Variants in SNAP25 observed in about 807,000 individuals in gnomAD.
SNAP25 encodes synaptosomal-associated protein 25.
In SNAP25, 3 loss-of-function variants were observed where a neutral mutation model predicts 28.7. That is an observed-to-expected ratio of 0.10 (90% confidence interval 0.05 to 0.27). SNAP25 has a LOEUF of 0.27. Among genes scored for constraint, SNAP25 ranks in the 10% least tolerant of loss-of-function variants. The pLI, the probability that SNAP25 is intolerant of heterozygous loss-of-function variation, is 1.00. For missense variants in SNAP25, 117 were observed against 278.7 expected, an observed-to-expected ratio of 0.42 and a Z score of 4.13; for synonymous variants, 61 against 88.1, an observed-to-expected ratio of 0.69 and a Z score of 1.72.
At chr20:10,283,885 T>A (rs532971940) in intron 3 of SNAP25, among the ~76,000 whole-genome samples, 10 of 152,324 alleles carry the variant, frequency 6.6e-5, no homozygotes, top group Non-Finnish European at 1.5e-4. Flanking sequence ...TTCTTAAGTA[T>A]GAGTGATACA....
At chr20:10,294,987 T>C (rs2064079071) in intron 5 of SNAP25, among the ~76,000 whole-genome samples, 1 of 152,204 alleles carries the variant, frequency 6.6e-6, no homozygotes. Flanking sequence ...TGGATTCTGA[T>C]GTTCTAATGA....
chr20:10,268,672 C>G (rs2063545350), intron 1 of SNAP25, among the ~76,000 whole-genome samples: 1 of 152,196 alleles, frequency 6.6e-6, no homozygotes, highest in Admixed American at 6.5e-5. Flanking sequence ...AGGCACCTAA[C>G]TAAGTAAGCC....
intron 1 of SNAP25, among the ~76,000 whole-genome samples, chr20:10,259,231 A>G (rs1310328647): frequency 6.6e-6 from 1 of 152,230 alleles, no homozygotes; most frequent in African/African-American, 2.4e-5. Flanking sequence ...TATCAGATTA[A>G]TCTGAGGAAT....
At chr20:10,229,899 A>C (rs559278219) in intron 1 of SNAP25, among the ~76,000 whole-genome samples, 4 of 152,264 alleles carry the variant, frequency 2.6e-5, no homozygotes, top group Non-Finnish European at 5.9e-5. Flanking sequence ...GGGGGAAAAA[A>C]GAAGAAGAAA....
chr20:10,221,118 T>C (rs558992693), intron 1 of SNAP25, among the ~76,000 whole-genome samples: 2 of 152,354 alleles, frequency 1.3e-5, no homozygotes, highest in Non-Finnish European at 2.9e-5. Flanking sequence ...TCTTTAAAAA[T>C]GCTTTAACTT....
intron 1 of SNAP25, among the ~76,000 whole-genome samples, chr20:10,224,968 C>CT (rs1209075509): frequency 2.0e-5 from 3 of 151,994 alleles, no homozygotes; most frequent in African/African-American, 7.3e-5. Context: ...GAAACAGAAG[C>CT]TTTTATAGAA....
chr20:10,277,431 A>G (rs2063709577), intron 2 of SNAP25, among the ~76,000 whole-genome samples: 1 of 152,248 alleles, frequency 6.6e-6, no homozygotes, highest in African/African-American at 2.4e-5. Context: ...TTTGATATCA[A>G]GATCAGCTTC....
intron 4 of SNAP25, among the ~76,000 whole-genome samples, chr20:10,290,777 C>G (rs1186155237): frequency 6.6e-6 from 1 of 152,204 alleles, no homozygotes; most frequent in African/African-American, 2.4e-5. Flanking sequence ...GGGGCAGCAT[C>G]TCTCCTTCTG....
At chr20:10,295,597 C>T (rs1281960704) in intron 5 of SNAP25, among the ~76,000 whole-genome samples, 2 of 151,980 alleles carry the variant, frequency 1.3e-5, no homozygotes, top group African/African-American at 4.8e-5. Flanking sequence ...GTTGCTTGGC[C>T]CCCAGTCTGC....
intron 3 of SNAP25, among the ~76,000 whole-genome samples, chr20:10,279,769 G>T (rs2063749125): frequency 1.3e-5 from 2 of 152,210 alleles, no homozygotes; most frequent in South Asian, 4.1e-4. Flanking sequence ...GAGCAAAAGA[G>T]ATGGAAGCTA....
At chr20:10,299,446 G>A (rs1251708345) in intron 7 of SNAP25, 34 bp downstream of exon 7, 12 of 1,600,978 alleles carry the variant, frequency 7.5e-6, no homozygotes, top group Admixed American at 5.1e-5. Context: ...TCCCTACTGC[G>A]AGTCACTTCT....
Position 10,258,133 on chromosome 20 carries a change from A to G in SNAP25, c.-63-17296A>G, listed in dbSNP as rs1039495833. ...CAGGGTCCAGACTCTGTGAAGTTAC[A>G]TGTTTGTTAATTTAGAGATCTCGTG... On this transcript the variant is annotated intron_variant, in intron 1 of 7. Coordinates refer to ENST00000254976, the MANE Select transcript of SNAP25 (RefSeq NM_130811.4). Among the ~76,000 whole-genome samples, 3 of 152,124 alleles carry G rather than the reference A, an allele frequency of 2.0e-5. No individual in the cohort carries two copies. In the East Asian group the frequency reaches 5.8e-4, roughly 29 times the overall value.
intron 1 of SNAP25, among the ~76,000 whole-genome samples, chr20:10,239,364 A>G (rs1053921520): frequency 6.6e-6 from 1 of 152,200 alleles, no homozygotes; most frequent in African/African-American, 2.4e-5. Flanking sequence ...AGACAAATAA[A>G]GTAGGAGGAA....
intron 3 of SNAP25, among the ~76,000 whole-genome samples, chr20:10,282,680 C>T (rs570502289): frequency 7.8e-4 from 119 of 152,284 alleles, no homozygotes; most frequent in African/African-American, 2.4e-3. Context: ...TAGAATGGAG[C>T]GAAGATTTCA....
chr20:10,256,198 G>T (rs987222252), intron 1 of SNAP25, among the ~76,000 whole-genome samples: 4 of 152,188 alleles, frequency 2.6e-5, no homozygotes, highest in Admixed American at 6.5e-5. Flanking sequence ...AGGCAAGAAT[G>T]TACTTAAACT....
chr20:10,245,456 G>A (rs363042), intron 1 of SNAP25, among the ~76,000 whole-genome samples: 3,543 of 152,244 alleles, frequency 0.023, 137 homozygotes, highest in African/African-American at 0.081. Flanking sequence ...CAGGAGTTTC[G>A]TAAGGCAAAG....
chr20:10,222,540 G>T (rs2062653291), intron 1 of SNAP25, among the ~76,000 whole-genome samples: 1 of 152,156 alleles, frequency 6.6e-6, no homozygotes, highest in Admixed American at 6.5e-5. Flanking sequence ...GAGGGAATAG[G>T]CTGGGATGCA....
Position 10,306,314 on chromosome 20 carries a change from G to C in SNAP25, c.*117G>C, listed in dbSNP as rs942607207. On this transcript the variant is annotated 3_prime_UTR_variant, in exon 8 of 8. Coordinates refer to ENST00000254976, the MANE Select transcript of SNAP25 (RefSeq NM_130811.4). ...TAACACACATCAGTCCACCCCCATT[G>C]TGAATGTTGTCCTGTGTCATCTGTC... The C allele has an allele frequency of 1.3e-5, 11 of 851,272 alleles. No homozygotes were observed. The African/African-American group carries it at 1.9e-4, about 14-fold the overall frequency. The allele number at this position is 851,272 out of a possible 1,614,324, so 52.7% of individuals were successfully genotyped here. A position where few individuals can be genotyped will look rare whatever the true frequency, so the allele number is the denominator to read the frequency against.
intron 1 of SNAP25, among the ~76,000 whole-genome samples, chr20:10,231,937 A>G (rs1476949333): frequency 6.6e-6 from 1 of 152,172 alleles, no homozygotes; most frequent in Non-Finnish European, 1.5e-5. Flanking sequence ...TGGATTTTTC[A>G]TATTATAGAA....
Sources: gnomAD v4.1 joint callset for allele counts (sites outside exome capture counted in the v4.1 genomes callset) on GRCh38, gnomAD v4.1.1 for gene constraint, MANE v1.5 for transcripts, NCBI Gene and HGNC (gene_info 2026-07-23, HGNC 2026-07-21) for gene names.